AK3: variants seen among roughly 807,000 people sequenced by gnomAD.
AK3 encodes GTP:AMP phosphotransferase AK3, mitochondrial.
AK3 carries 27 observed loss-of-function variants against 23.7 expected under a neutral mutation model. That is an observed-to-expected ratio of 1.14 (90% CI 0.84 to 1.57). The LOEUF (loss-of-function observed/expected upper bound fraction) is 1.57. Ranked by LOEUF, AK3 falls within the 40% of genes most tolerant of loss-of-function variation. The pLI is 0.00. For missense variants in AK3, 406 were observed against 285.6 expected (o/e 1.42, Z -3.04); for synonymous variants, 159 against 116.0 (o/e 1.37, Z -2.38).
chr9:4,728,488 T>C (rs1842068637), intron 1 of AK3, among the ~76,000 whole-genome samples: 1 of 152,124 alleles, frequency 6.6e-6, no homozygotes, highest in African/African-American at 2.4e-5. Context: ...GGAGAAGTGC[T>C]TGAACCTGGG....
intron 1 of AK3, among the ~76,000 whole-genome samples, chr9:4,726,927 T>C (rs888933618): frequency 6.6e-6 from 1 of 152,102 alleles, no homozygotes; most frequent in Non-Finnish European, 1.5e-5. Context: ...TCAGCAGGCA[T>C]GAAAACAACA....
At chr9:4,726,448 G>A (rs76512234) in intron 1 of AK3, among the ~76,000 whole-genome samples, 18,182 of 152,110 alleles carry the variant, frequency 0.12, 1,458 homozygotes, top group Admixed American at 0.19. Context: ...GTTGAATAAT[G>A]CTCACAGCAT....
rs1842410841 is a variant in AK3, at chr9:4,740,797, G to A, written c.151+140C>T. The A allele has an allele frequency of 3.5e-6, 4 of 1,129,920 alleles. No homozygotes were observed. In the East Asian group the frequency reaches 9.7e-5, roughly 27 times the overall value. 70.0% of individuals were successfully genotyped at this position (1,129,920 alleles called of 1,614,324 possible). A position where few individuals can be genotyped will look rare whatever the true frequency, so the allele number is the denominator to read the frequency against. On this transcript the variant is annotated intron_variant, in intron 1 of 4. Coordinates refer to ENST00000381809, the MANE Select transcript of AK3 (RefSeq NM_016282.4). ...GGTTTTGGGGCGCAGTCGCTCAGCA[G>A]CCCGAGGTCTCTGTCCCGGGCGGCG...
At chr9:4,723,751 C>T (rs890880204) in intron 1 of AK3, among the ~76,000 whole-genome samples, 2 of 152,122 alleles carry the variant, frequency 1.3e-5, no homozygotes, top group African/African-American at 2.4e-5. Context: ...TATAAAACTA[C>T]ACTTTATGAC....
At chr9:4,738,429 G>C (rs952238967) in intron 1 of AK3, among the ~76,000 whole-genome samples, 11 of 152,080 alleles carry the variant, frequency 7.2e-5, no homozygotes, top group Non-Finnish European at 5.9e-5. Flanking sequence ...GCCTCCCAAA[G>C]TGCTAGGATT....
rs1842196753 is a variant in AK3, at chr9:4,733,320, C to CTTG, written c.151+7616_151+7617insCAA. Among the ~76,000 whole-genome samples the CTTG allele has an allele frequency of 2.4e-5, 3 of 126,082 alleles. No homozygotes were observed. In the Admixed American group the frequency reaches 2.6e-4, roughly 11 times the overall value. The allele number at this position is 126,082 out of a possible 152,430, so 82.7% of individuals were successfully genotyped here. On this transcript the variant is annotated intron_variant, in intron 1 of 4. Transcript: ENST00000381809. ...ATTAGTTAAATGATAGCTTTACACC[C>CTTG]AATCAAGGGCTTTAAAAAAAAACCT...
chr9:4,735,850 C>G (rs1017529025), intron 1 of AK3, among the ~76,000 whole-genome samples: 18 of 151,956 alleles, frequency 1.2e-4, no homozygotes, highest in African/African-American at 4.3e-4. Flanking sequence ...TGCAGTAGCT[C>G]ACGCCTGTAA....
intron 1 of AK3, among the ~76,000 whole-genome samples, chr9:4,730,214 G>A (rs1162609033): frequency 2.6e-5 from 4 of 152,164 alleles, no homozygotes; most frequent in African/African-American, 4.8e-5. Flanking sequence ...TGAGAACAGC[G>A]TTTCTTTTTG....
chr9:4,724,389 G>A (rs1307567706), intron 1 of AK3, among the ~76,000 whole-genome samples: 1 of 152,142 alleles, frequency 6.6e-6, no homozygotes, highest in East Asian at 1.9e-4. Context: ...CAGCAGATGG[G>A]TTAGAAGATG....
intron 4 of AK3, among the ~76,000 whole-genome samples, chr9:4,713,938 CCACATATACACGCCTA>C (rs1563780864): frequency 6.3e-5 from 8 of 126,522 alleles, no homozygotes; most frequent in South Asian, 2.7e-4. Flanking sequence ...ATACACACCT[CCACATATACACGCCTA>C]CACATATACA....
intron 1 of AK3, among the ~76,000 whole-genome samples, chr9:4,735,324 CATATATAAATATATATAT>C (rs1563798345): frequency 2.9e-3 from 209 of 71,996 alleles, no homozygotes; most frequent in Middle Eastern, 0.012. Context: ...TATATATATA[CATATATAAATATATATAT>C]ACATATATAA....
At chr9:4,714,562 C>G (rs993095578) in intron 4 of AK3, among the ~76,000 whole-genome samples, 48 of 152,174 alleles carry the variant, frequency 3.2e-4, no homozygotes, top group African/African-American at 1.1e-3. Flanking sequence ...TTGTAAGCCT[C>G]TTGAAGAGCC....
rs139250396 is a variant in AK3 at position 4,723,577 on chromosome 9, A to G, written c.152-952T>C. 5.3e-5 allele frequency among the ~76,000 whole-genome samples: 8 copies of G among 152,316 alleles called. No homozygotes were observed. In the East Asian group the frequency reaches 1.3e-3, roughly 26 times the overall value. ...TTTCTTCATGTTCCCTTACCAAACT[A>G]TTTCTACACCTTCAGAACCGTAATT... On this transcript the variant is annotated intron_variant, in intron 1 of 4. Transcript: ENST00000381809.
Position 4,718,556 on chromosome 9 carries a change from G to T in AK3, c.445-19C>A, listed in dbSNP as rs745431034. On this transcript the variant is annotated intron_variant, in intron 3 of 4. Transcript: ENST00000381809. ...CAATGCCCTAAACAGGATTAGAAGA[G>T]ACTAGTATCAGATATCATATTTCTG... 3.3e-6 allele frequency: 5 copies of T among 1,497,922 alleles called. No individual in the cohort carries two copies. The highest frequency in any genetic ancestry group is 2.3e-5 in the East Asian group (1 of 44,286). 92.8% of individuals were successfully genotyped at this position (1,497,922 alleles called of 1,614,324 possible). A position where few individuals can be genotyped will look rare whatever the true frequency, so the allele number is the denominator to read the frequency against.
At chr9:4,729,015 A>ATATATATATATATATATAT (rs71326127) in intron 1 of AK3, among the ~76,000 whole-genome samples, 1 of 129,446 alleles carries the variant, frequency 7.7e-6, no homozygotes, top group Non-Finnish European at 1.6e-5. Flanking sequence ...ATATATATAT[A>ATATATATATATATATATAT]TTTTTTTTTT....
chr9:4,728,866 T>TATACACAC (rs1395790351), intron 1 of AK3, among the ~76,000 whole-genome samples: 2,294 of 86,576 alleles, frequency 0.026, 31 homozygotes, highest in Admixed American at 0.05. Context: ...TATATATATA[T>TATACACAC]ACACACACAC....
chr9:4,723,330 T>C (rs1841948526), intron 1 of AK3, among the ~76,000 whole-genome samples: 1 of 152,242 alleles, frequency 6.6e-6, no homozygotes, highest in African/African-American at 2.4e-5. Context: ...ATCATCATTA[T>C]TTTGAAATGA....
rs777251767 is a variant in AK3 at position 4,718,402 on chromosome 9, G to T, written c.563+17C>A. On this transcript the variant is annotated intron_variant, in intron 4 of 4. Coordinates refer to ENST00000381809, the MANE Select transcript of AK3 (RefSeq NM_016282.4). ...TGCACCACTACGCAAGAGAAGTTCT[G>T]AAAAGCAAAAACTCACTGGTAATAT... 59 of 1,597,466 alleles carry T rather than the reference G, an allele frequency of 3.7e-5. No individual in the cohort carries two copies. The highest frequency in any genetic ancestry group is 4.9e-5 in the Non-Finnish European group (57 of 1,166,866).
chr9:4,734,002 T>C (rs1040687286), intron 1 of AK3, among the ~76,000 whole-genome samples: 1 of 152,288 alleles, frequency 6.6e-6, no homozygotes, highest in East Asian at 1.9e-4. Flanking sequence ...CGTGTTTACA[T>C]GTTGTTATAG....
Sources: gnomAD v4.1 joint callset for allele counts (sites outside exome capture counted in the v4.1 genomes callset) on GRCh38, gnomAD v4.1.1 for gene constraint, MANE v1.5 for transcripts, NCBI Gene and HGNC (gene_info 2026-07-23, HGNC 2026-07-21) for gene names.